Variants in ATF7 observed in about 807,000 individuals in gnomAD.
The protein encoded by ATF7 is cyclic AMP-dependent transcription factor ATF-7.
Under a neutral mutation model 50.4 loss-of-function variants are expected in ATF7, and 10 were observed. That is an observed-to-expected ratio of 0.20 (90% CI 0.12 to 0.34). The LOEUF is 0.34. Among genes scored for constraint, ATF7 ranks in the 10% least tolerant of loss-of-function variants. The pLI is 1.00. For missense variants in ATF7, 465 were observed against 613.9 expected, an observed-to-expected ratio of 0.76 and a Z score of 2.56; for synonymous variants, 201 against 226.4, an observed-to-expected ratio of 0.89 and a Z score of 1.01.
At chr12:53,607,659 A>C (rs572745368) in intron 1 of ATF7, among the ~76,000 whole-genome samples, 1 of 152,338 alleles carries the variant, frequency 6.6e-6, no homozygotes, top group African/African-American at 2.4e-5. Flanking sequence ...GGGAAAAAAA[A>C]ACAGAATATA....
chr12:53,588,450 T>C (rs1942814174), intron 2 of ATF7, among the ~76,000 whole-genome samples: 1 of 152,216 alleles, frequency 6.6e-6, no homozygotes, highest in African/African-American at 2.4e-5. Context: ...CATCTCATTA[T>C]AGTGTTGTTC....
chr12:53,600,805 TA>T, intron 2 of ATF7, 147 bp downstream of exon 2: 1 of 701,462 alleles, frequency 1.4e-6, no homozygotes, highest in African/African-American at 1.8e-5. Context: ...CACTTCCTCA[TA>T]ACTTGGATTT....
chr12:53,542,285 G>C (rs1255804999), intron 4 of ATF7, among the ~76,000 whole-genome samples: 1 of 151,782 alleles, frequency 6.6e-6, no homozygotes, highest in African/African-American at 2.4e-5. Context: ...AAATTAGCCA[G>C]GTGTGGTGGT....
chr12:53,533,425 T>C (rs1419026837), intron 6 of ATF7, among the ~76,000 whole-genome samples, 166 bp from the exon 7 acceptor site: 1 of 152,224 alleles, frequency 6.6e-6, no homozygotes, highest in African/African-American at 2.4e-5. Flanking sequence ...GGGAATCCTA[T>C]TCAACTTACC....
intron 2 of ATF7, among the ~76,000 whole-genome samples, chr12:53,582,829 C>A (rs186400239): frequency 6.6e-6 from 1 of 152,132 alleles, no homozygotes; most frequent in African/African-American, 2.4e-5. Flanking sequence ...CGTGATCCGC[C>A]CACCTCGGCC....
At chr12:53,550,817 A>G (rs996899395) in intron 3 of ATF7, among the ~76,000 whole-genome samples, 3 of 152,332 alleles carry the variant, frequency 2.0e-5, no homozygotes, top group African/African-American at 7.2e-5. Flanking sequence ...GTGCAACAAG[A>G]TGAGCATTCC....
At chr12:53,581,091 G>A (rs1348973541) in intron 2 of ATF7, among the ~76,000 whole-genome samples, 2 of 150,552 alleles carry the variant, frequency 1.3e-5, no homozygotes, top group Non-Finnish European at 2.9e-5. Context: ...CAGCCTGGGC[G>A]ACAGAGCAAG....
intron 2 of ATF7, 121 bp from the exon 3 acceptor site, chr12:53,552,758 G>A (rs1940461386): frequency 1.3e-6 from 1 of 747,412 alleles, no homozygotes; most frequent in Non-Finnish European, 2.3e-6. Flanking sequence ...AAGAACTGGA[G>A]AGGGAGAAAA....
In ATF7 at chr12:53,524,467, G is replaced by T; in HGVS notation, c.1125+97C>A. On this transcript the variant is annotated intron_variant, in intron 10 of 11. Coordinates refer to ENST00000420353, the MANE Select transcript of ATF7 (RefSeq NM_006856.3). This position sits in a 1 kb window ranked among gnomAD's most constrained non-coding sequence, Gnocchi z 4.6. ...GACAACTAGATCTGTCCTAATTAGA[G>T]AATTACCATCTTCTATCAAATTGTA... The T allele has an allele frequency of 7.3e-7, 1 of 1,364,316 alleles. No homozygotes were observed. The highest frequency in any genetic ancestry group is 1.0e-6 in the Non-Finnish European group (1 of 981,572). 84.5% of individuals were successfully genotyped at this position (1,364,316 alleles called of 1,614,324 possible). A position where few individuals can be genotyped will look rare whatever the true frequency, so the allele number is the denominator to read the frequency against.
chr12:53,577,749 A>G (rs1268204816), intron 2 of ATF7, among the ~76,000 whole-genome samples: 2 of 151,752 alleles, frequency 1.3e-5, no homozygotes, highest in Non-Finnish European at 2.9e-5. Context: ...AGAAAGAAAG[A>G]AAGAAACACA....
At chr12:53,528,733 A>T (rs1239749028) in intron 9 of ATF7, among the ~76,000 whole-genome samples, 1 of 152,152 alleles carries the variant, frequency 6.6e-6, no homozygotes, top group Non-Finnish European at 1.5e-5. Flanking sequence ...ACTGCACTCT[A>T]GCCTGGGTGA....
At chr12:53,534,228 G>C (rs1258290675) in intron 6 of ATF7, among the ~76,000 whole-genome samples, 2 of 152,124 alleles carry the variant, frequency 1.3e-5, no homozygotes, top group Non-Finnish European at 2.9e-5. Flanking sequence ...AGTGAGCCGA[G>C]ATTGCACCAC....
At chr12:53,586,451 T>C (rs1311322211) in intron 2 of ATF7, among the ~76,000 whole-genome samples, 1 of 152,100 alleles carries the variant, frequency 6.6e-6, no homozygotes, top group Non-Finnish European at 1.5e-5. Flanking sequence ...CAGATGTCTA[T>C]AATACTATTT....
chr12:53,567,739 T>A (rs1941522163), intron 2 of ATF7, among the ~76,000 whole-genome samples: 1 of 152,172 alleles, frequency 6.6e-6, no homozygotes, highest in South Asian at 2.1e-4. Flanking sequence ...CTTTTAGTAT[T>A]CTCCTATCCA....
chr12:53,517,358 C>T lies in ATF7; in HGVS notation c.1235-4G>A. The T allele has an allele frequency of 6.2e-7, 1 of 1,611,460 alleles. No homozygotes were observed. The highest frequency in any genetic ancestry group is 2.2e-5 in the East Asian group (1 of 44,856). ...TCTGAGCTTTCCTTGGGGCTTTCTGCCAGGAAGGAGGGCAAAGAGCAGAGA... is the reference window on the plus strand; with the variant it reads ...TCTGAGCTTTCCTTGGGGCTTTCTGTCAGGAAGGAGGGCAAAGAGCAGAGA... On this transcript the variant is annotated splice_region_variant and splice_polypyrimidine_tract_variant and intron_variant, in intron 11 of 11. Transcript: ENST00000420353.
chr12:53,584,472 CTAAACATAGTCTTACCA>C (rs1325063220), intron 2 of ATF7, among the ~76,000 whole-genome samples: 1 of 152,128 alleles, frequency 6.6e-6, no homozygotes, highest in Non-Finnish European at 1.5e-5. Flanking sequence ...TCTTACAAAA[CTAAACATAGTCTTACCA>C]TAAACATAGT....
chr12:53,521,419 ACTACTCTCCACCCCC>A (rs1938122162), intron 11 of ATF7, among the ~76,000 whole-genome samples: 1 of 152,112 alleles, frequency 6.6e-6, no homozygotes, highest in African/African-American at 2.4e-5. Flanking sequence ...CTTGTCTCCA[ACTACTCTCCACCCCC>A]AACTCCAGCT....
At chr12:53,578,140 C>A (rs1179415696) in intron 2 of ATF7, among the ~76,000 whole-genome samples, 1 of 152,100 alleles carries the variant, frequency 6.6e-6, no homozygotes. Flanking sequence ...AATCCCAGCA[C>A]GGCAGATGGA....
At chr12:53,508,672 C>G (rs1418619657), downstream of ATF7, among the ~76,000 whole-genome samples, 1 of 152,180 alleles carries the variant, frequency 6.6e-6, no homozygotes, top group Non-Finnish European at 1.5e-5. Context: ...GAGAGCACTG[C>G]TTCCGACCTG....
Sources: gnomAD v4.1 joint callset for allele counts (sites outside exome capture counted in the v4.1 genomes callset) on GRCh38, gnomAD v4.1.1 for gene constraint, Gnocchi (gnomAD v3.1) non-coding constraint, MANE v1.5 for transcripts, NCBI Gene and HGNC (gene_info 2026-07-23, HGNC 2026-07-21) for gene names.